Variants in PFKM observed in about 807,000 individuals in gnomAD.
PFKM encodes phosphofructokinase, muscle.
PFKM carries 58 observed loss-of-function variants against 95.5 expected under a neutral mutation model. The observed-to-expected ratio is 0.61, with a 90% confidence interval of 0.49 to 0.76. PFKM has a LOEUF of 0.76. PFKM is among the 30% of genes least tolerant of loss of function. PFKM has a pLI of 0.00. For missense variants in PFKM, 678 were observed against 1,005.4 expected, an observed-to-expected ratio of 0.67 and a Z score of 4.40; for synonymous variants, 336 against 357.2, an observed-to-expected ratio of 0.94 and a Z score of 0.67.
intron 4 of PFKM, 115 bp from the exon 5 acceptor site, chr12:48,132,753 A>G (rs1201849773): frequency 1.1e-6 from 1 of 896,444 alleles, no homozygotes; most frequent in Non-Finnish European, 1.8e-6. Context: ...TAAGGATGTC[A>G]AGGAACTTTC....
rs758761164 is a variant in PFKM at position 48,132,869 on chromosome 12, G to A, written c.239G>A (p.Gly80Glu). The A allele has an allele frequency of 6.2e-7, 1 of 1,610,588 alleles. No individual in the cohort carries two copies. Among genetic ancestry groups the A allele is most frequent in the Admixed American group, 1.7e-5 (1 of 59,456 alleles). Residue 80 changes from glycine (G) to glutamate (E), a missense_variant and splice_region_variant, in exon 5 of 23, where the codon GGA (glycine) becomes GAA (glutamate). Gly to Glu is a moderately conservative substitution (Grantham distance 98). Transcript: ENST00000359794. ...AGCTGACTTCTACCTCTTCCAAAGG[G>A]AGGCACGGTGATTGGAAGTGCCCGG... ...WESVSMMLQL[G>E]GTVIGSARCK...
exon 2 of PFKM, chr12:48,107,409 G>A (rs1393986404): frequency 3.8e-6 from 6 of 1,598,962 alleles, no homozygotes; most frequent in Non-Finnish European, 5.1e-6. Context: ...AATTTTTCAT[G>A]TGTGTGATTC....
chr12:48,117,237 A>C (rs1025757764), upstream of PFKM, among the ~76,000 whole-genome samples: 1 of 152,188 alleles, frequency 6.6e-6, no homozygotes, highest in Non-Finnish European at 1.5e-5. Context: ...TCACCTTTTG[A>C]GGGACATCTT....
intron 2 of PFKM, chr12:48,125,191 C>T (rs530517008): frequency 6.5e-5 from 19 of 291,796 alleles, no homozygotes; most frequent in Middle Eastern, 1.3e-3. Context: ...CAAAACTATG[C>T]TACCTTTAGC....
chr12:48,143,039 C>T (rs1592810361), intron 18 of PFKM, 93 bp downstream of exon 18: 9 of 1,227,816 alleles, frequency 7.3e-6, no homozygotes, highest in East Asian at 2.5e-5. Context: ...AGTTGAGGAC[C>T]GAGCTGATTG....
In PFKM at chr12:48,139,298, C is replaced by G; in HGVS notation, c.1076C>G (p.Thr359Ser). The G allele has an allele frequency of 6.2e-7, 1 of 1,613,674 alleles. No individual in the cohort carries two copies. The highest frequency in any genetic ancestry group is 2.2e-5 in the East Asian group (1 of 44,864). Residue 359 changes from threonine (T) to serine (S), a missense_variant, in exon 12 of 23, where the codon ACC (threonine) becomes AGC (serine). By Grantham distance (58) the Thr-to-Ser change is moderately conservative. Coordinates refer to ENST00000359794, the MANE Select transcript of PFKM (RefSeq NM_000289.6). Reference sequence around the variant, plus strand: ...CTCCCCCCTCAGACCAAAGATGTGACCAAGGCCATGGATGAGAAGAAATTT... The same window carrying G: ...CTCCCCCCTCAGACCAAAGATGTGAGCAAGGCCATGGATGAGAAGAAATTT... ...MECVQVTKDVTKAMDEKKFDE... is the reference protein window; with the variant it reads ...MECVQVTKDVSKAMDEKKFDE...
At position 48,145,576 on chromosome 12, in the gene PFKM, C is replaced by T. The variant is rs1165739164; in HGVS notation, c.2211C>T (p.Pro737=). 6 of 1,614,082 alleles carry T rather than the reference C, an allele frequency of 3.7e-6. No homozygotes were observed. In the South Asian group the frequency reaches 5.5e-5, roughly 15 times the overall value. ...CATTCCTCTGTAGGCATCGAATCCC[C>T]AAGGAACAGTGGTGGCTGAAACTGA... ...KDQTDFEHRI[P]KEQWWLKLRP... Residue 737 remains proline, a synonymous_variant, in exon 23 of 23, where the codon CCC becomes CCT. Transcript: ENST00000359794. The surrounding 1 kb of genome is among the most constrained non-coding windows in gnomAD (Gnocchi z 4.3).
intron 2 of PFKM, among the ~76,000 whole-genome samples, chr12:48,124,441 A>T (rs1191209526): frequency 1.3e-5 from 2 of 152,224 alleles, no homozygotes; most frequent in African/African-American, 4.8e-5. Context: ...AGAAAGAAGA[A>T]AGCCTGCTAA....
chr12:48,118,406 G>A (rs1185451010), upstream of PFKM: 5 of 771,556 alleles, frequency 6.5e-6, no homozygotes, highest in African/African-American at 6.9e-5. Flanking sequence ...ATAATTTGGA[G>A]AACAAATGCT....
chr12:48,139,971 C>T (rs1257747005), intron 13 of PFKM, 59 bp downstream of exon 13: 8 of 1,105,646 alleles, frequency 7.2e-6, no homozygotes, highest in Non-Finnish European at 1.1e-5. Context: ...AGTCTCTCTT[C>T]ATAAATGCTA....
upstream of PFKM, chr12:48,118,434 A>G (rs1947864830): frequency 6.4e-6 from 6 of 943,988 alleles, no homozygotes; most frequent in Non-Finnish European, 1.6e-6. Context: ...TGTGTAGTCA[A>G]ATGGGGTTTT....
chr12:48,139,306 A>C lies in PFKM; in HGVS notation c.1084A>C (p.Met362Leu). Residue 362 changes from methionine to leucine, a missense_variant, in exon 12 of 23, where the codon ATG becomes CTG. Coordinates refer to ENST00000359794, the MANE Select transcript of PFKM (RefSeq NM_000289.6). ...TCAGACCAAAGATGTGACCAAGGCC[A>C]TGGATGAGAAGAAATTTGACGAAGC... The part of the protein sequence containing the change: ...VQVTKDVTKA[M>L]DEKKFDEALK... The C allele has an allele frequency of 6.2e-7, 1 of 1,613,876 alleles. No homozygotes were observed. Among genetic ancestry groups the C allele is most frequent in the Non-Finnish European group, 8.5e-7 (1 of 1,179,848 alleles).
upstream of PFKM, among the ~76,000 whole-genome samples, chr12:48,115,243 C>T (rs1565846227): frequency 6.6e-6 from 1 of 152,280 alleles, no homozygotes; most frequent in East Asian, 1.9e-4. Flanking sequence ...GTCTTCGGCA[C>T]CAAATGTTTC....
At position 48,145,173 on chromosome 12, in the gene PFKM, C is replaced by A; in HGVS notation, c.2093-37C>A. ...GAGTGCCCTCTATAGAGGCTGGTTC[C>A]CCAGTATAGAAGCTGACTGCCCATC... is the stretch of plus-strand genomic sequence containing the variant. On this transcript the variant is annotated intron_variant, in intron 21 of 22. Transcript: ENST00000359794. This position sits in a 1 kb window ranked among gnomAD's most constrained non-coding sequence, Gnocchi z 4.3. 1 of 1,610,844 alleles carries A rather than the reference C, an allele frequency of 6.2e-7. No homozygotes were observed. Among genetic ancestry groups the A allele is most frequent in the Non-Finnish European group, 8.5e-7 (1 of 1,177,056 alleles).
At chr12:48,120,694 A>G (rs1948164891) in intron 1 of PFKM, among the ~76,000 whole-genome samples, 1 of 152,234 alleles carries the variant, frequency 6.6e-6, no homozygotes, top group African/African-American at 2.4e-5. Flanking sequence ...CATTTTTCAC[A>G]TGTCATGAAG....
intron 12 of PFKM, 200 bp from the exon 13 acceptor site, chr12:48,139,649 G>T: frequency 1.5e-6 from 1 of 650,172 alleles, no homozygotes; most frequent in South Asian, 1.7e-5. Context: ...AGTGCCTGAA[G>T]AAGAGTACTG....
intron 7 of PFKM, 90 bp from the exon 8 acceptor site, chr12:48,134,631 A>C (rs971901509): frequency 3.1e-6 from 3 of 982,162 alleles, no homozygotes; most frequent in Middle Eastern, 2.8e-4. Context: ...ACCTTTTATC[A>C]ACTATGAGGA....
intron 3 of PFKM, among the ~76,000 whole-genome samples, chr12:48,112,107 C>T (rs922685594): frequency 2.0e-5 from 3 of 152,100 alleles, no homozygotes; most frequent in African/African-American, 4.8e-5. Flanking sequence ...GACTGCACGG[C>T]CCTGCACTTT....
chr12:48,135,155 C>T, intron 9 of PFKM, 117 bp downstream of exon 9: 1 of 1,110,726 alleles, frequency 9.0e-7, no homozygotes, highest in Non-Finnish European at 1.4e-6. Flanking sequence ...CCCTGGTTCC[C>T]TGCCCCTGAT....
Sources: allele counts gnomAD v4.1 joint callset (sites outside exome capture counted in the v4.1 genomes callset), GRCh38; gene constraint gnomAD v4.1.1; non-coding constraint Gnocchi (gnomAD v3.1); transcripts MANE v1.5; gene names NCBI Gene and HGNC (gene_info 2026-07-23, HGNC 2026-07-21).